SLC24A3: variants seen among roughly 807,000 people sequenced by gnomAD.
SLC24A3 encodes the protein sodium/potassium/calcium exchanger 3.
SLC24A3 carries 28 observed loss-of-function variants against 75.8 expected under a neutral mutation model. The ratio of observed to expected loss-of-function variants is 0.37; its 90% confidence interval spans 0.27 to 0.51. SLC24A3 has a LOEUF of 0.51. Ranked by LOEUF, SLC24A3 falls within the 20% of genes least tolerant of loss-of-function variation. The pLI, the probability that SLC24A3 is intolerant of heterozygous loss-of-function variation, is 0.94. For synonymous variants in SLC24A3, 372 were observed against 334.1 expected (o/e 1.11, Z -1.24); for missense variants, 663 against 847.8 (o/e 0.78, Z 2.71).
Position 19,685,103 on chromosome 20 carries a change from C to A in SLC24A3, c.1066C>A (p.Gln356Lys). Residue 356 changes from glutamine (Q) to lysine (K), a missense_variant, in exon 12 of 17, where the codon CAA (glutamine) becomes AAA (lysine). Transcript: ENST00000328041. ...GAGTGCGCCTTTCTCTTTCCAGAGA[C>A]AAAGATTGATAAACAGCAGGGCTTA... ...MASRMLINER[Q>K]RLINSRAYTN... is the part of the protein sequence containing the mutation. 6.2e-7 allele frequency: 1 copy of A among 1,602,290 alleles called. No individual in the cohort carries two copies. The highest frequency in any genetic ancestry group is 8.5e-7 in the Non-Finnish European group (1 of 1,171,762).
At chr20:19,619,898 T>G (rs375167132) in intron 6 of SLC24A3, among the ~76,000 whole-genome samples, 4 of 152,170 alleles carry the variant, frequency 2.6e-5, no homozygotes, top group Non-Finnish European at 5.9e-5. Context: ...AGGGAAAATC[T>G]TGGCTGAGGG....
At chr20:19,689,105 AG>A (rs2032715613) in intron 12 of SLC24A3, among the ~76,000 whole-genome samples, 1 of 152,232 alleles carries the variant, frequency 6.6e-6, no homozygotes, top group Non-Finnish European at 1.5e-5. Flanking sequence ...ATGTGTATGT[AG>A]GTAAACACAT....
intron 1 of SLC24A3, among the ~76,000 whole-genome samples, chr20:19,236,822 T>TCAA (rs1353171003): frequency 6.6e-6 from 1 of 152,060 alleles, no homozygotes; most frequent in African/African-American, 2.4e-5. Flanking sequence ...TATTGAAAGG[T>TCAA]CAACAGCTGT....
chr20:19,359,511 G>A (rs1272689634), intron 2 of SLC24A3, among the ~76,000 whole-genome samples: 1 of 152,190 alleles, frequency 6.6e-6, no homozygotes, highest in Non-Finnish European at 1.5e-5. Flanking sequence ...GTGATGGGAG[G>A]TGGGTAAAGT....
chr20:19,322,232 C>T (rs1026020449), intron 2 of SLC24A3, among the ~76,000 whole-genome samples: 1 of 152,096 alleles, frequency 6.6e-6, no homozygotes, highest in Non-Finnish European at 1.5e-5. Context: ...TTTATTATAG[C>T]AGGGTGTGCA....
intron 1 of SLC24A3, among the ~76,000 whole-genome samples, chr20:19,242,843 T>C (rs1982369398): frequency 6.6e-6 from 1 of 152,190 alleles, no homozygotes; most frequent in East Asian, 1.9e-4. Context: ...GTATAGATAA[T>C]TATTTTGCAT....
At chr20:19,301,566 T>C (rs1012717826) in intron 2 of SLC24A3, among the ~76,000 whole-genome samples, 2 of 152,220 alleles carry the variant, frequency 1.3e-5, no homozygotes, top group African/African-American at 2.4e-5. Flanking sequence ...ATTATTAACA[T>C]TGTCTTCCTT....
At chr20:19,681,151 C>A (rs1263054754) in intron 9 of SLC24A3, among the ~76,000 whole-genome samples, 2 of 152,232 alleles carry the variant, frequency 1.3e-5, no homozygotes, top group Admixed American at 1.3e-4. Context: ...GTACAAGCTT[C>A]TTCCCTTCCC....
intron 9 of SLC24A3, among the ~76,000 whole-genome samples, chr20:19,676,362 G>A (rs540565068): frequency 1.3e-5 from 2 of 152,162 alleles, no homozygotes; most frequent in African/African-American, 4.8e-5. Flanking sequence ...CATTCCAGCT[G>A]TTCAAACCAG....
chr20:19,235,059 A>G (rs1455154796), intron 1 of SLC24A3, among the ~76,000 whole-genome samples: 5 of 152,318 alleles, frequency 3.3e-5, no homozygotes, highest in Non-Finnish European at 5.9e-5. Flanking sequence ...TTTTCTACCC[A>G]AGGATACTTG....
At chr20:19,293,583 G>A (rs1196237389) in intron 2 of SLC24A3, among the ~76,000 whole-genome samples, 1 of 150,518 alleles carries the variant, frequency 6.6e-6, no homozygotes, top group Non-Finnish European at 1.5e-5. Flanking sequence ...TTGAACCCGG[G>A]AGATGGAGGT....
intron 2 of SLC24A3, among the ~76,000 whole-genome samples, chr20:19,435,624 C>G (rs1224422487): frequency 6.6e-6 from 1 of 152,084 alleles, no homozygotes; most frequent in Admixed American, 6.5e-5. Flanking sequence ...GAGCTTTTTC[C>G]CCAGGCAAAG....
intron 6 of SLC24A3, among the ~76,000 whole-genome samples, chr20:19,625,659 A>G (rs1183110174): frequency 6.6e-6 from 1 of 152,194 alleles, no homozygotes; most frequent in African/African-American, 2.4e-5. Flanking sequence ...ACAGCTGTCA[A>G]TAACAGCTGC....
chr20:19,548,692 A>C (rs1025902097), intron 3 of SLC24A3, among the ~76,000 whole-genome samples: 31 of 152,014 alleles, frequency 2.0e-4, no homozygotes, highest in African/African-American at 7.0e-4. Flanking sequence ...TCTTTTGAGG[A>C]CTCCCCTGAC....
intron 6 of SLC24A3, among the ~76,000 whole-genome samples, chr20:19,620,326 T>G (rs552890794): frequency 6.6e-6 from 1 of 152,256 alleles, no homozygotes; most frequent in African/African-American, 2.4e-5. Flanking sequence ...CAATCTTTTT[T>G]GGGGGGGAAA....
intron 3 of SLC24A3, among the ~76,000 whole-genome samples, chr20:19,530,551 G>A (rs2030277934): frequency 6.6e-6 from 1 of 152,114 alleles, no homozygotes; most frequent in Non-Finnish European, 1.5e-5. Context: ...TGCCCTTCAG[G>A]GTTTTGGCTT....
intron 2 of SLC24A3, among the ~76,000 whole-genome samples, chr20:19,341,824 A>G (rs1477026305): frequency 6.6e-6 from 1 of 152,176 alleles, no homozygotes. Flanking sequence ...AATCTCTGTG[A>G]CAGGCAGATC....
intron 2 of SLC24A3, among the ~76,000 whole-genome samples, chr20:19,395,069 G>T (rs1986430326): frequency 6.6e-6 from 1 of 152,130 alleles, no homozygotes; most frequent in Non-Finnish European, 1.5e-5. Flanking sequence ...TTACAATATG[G>T]ATGAAATAAG....
At chr20:19,354,387 A>G (rs1568597803) in intron 2 of SLC24A3, among the ~76,000 whole-genome samples, 1 of 152,128 alleles carries the variant, frequency 6.6e-6, no homozygotes, top group Non-Finnish European at 1.5e-5. Flanking sequence ...CAGTAATGTT[A>G]TGGGGGTCAG....
Sources: gnomAD v4.1 joint callset for allele counts (sites outside exome capture counted in the v4.1 genomes callset) on GRCh38, gnomAD v4.1.1 for gene constraint, MANE v1.5 for transcripts, NCBI Gene and HGNC (gene_info 2026-07-23, HGNC 2026-07-21) for gene names.